Variants in SGK3 observed in about 807,000 individuals in gnomAD.
SGK3 encodes the protein serine/threonine-protein kinase Sgk3.
Under a neutral mutation model 68.5 loss-of-function variants are expected in SGK3, and 47 were observed. That is an observed-to-expected ratio of 0.69 (90% CI 0.54 to 0.87). The LOEUF (loss-of-function observed/expected upper bound fraction) is 0.87, where lower values mean the gene tolerates loss of function less well. Ranked by LOEUF, SGK3 falls within the 40% of genes least tolerant of loss-of-function variation. The pLI is 0.00. For synonymous variants in SGK3, 181 were observed against 189.1 expected, an observed-to-expected ratio of 0.96 and a Z score of 0.35; for missense variants, 479 against 575.5, an observed-to-expected ratio of 0.83 and a Z score of 1.72.
At chr8:66,851,033 ATAT>A in intron 16 of SGK3, 113 bp downstream of exon 16, 1 of 1,130,008 alleles carries the variant, frequency 8.8e-7, no homozygotes, top group South Asian at 1.6e-5. Context: ...CATTACCTAA[ATAT>A]TTGTGAAATA....
chr8:66,781,009 C>T (rs1269386014), intron 1 of SGK3, among the ~76,000 whole-genome samples: 1 of 152,134 alleles, frequency 6.6e-6, no homozygotes, highest in East Asian at 1.9e-4. Context: ...AATCTGAATT[C>T]TGCCAACCTC....
chr8:66,756,706 A>G (rs868495781), intron 1 of SGK3, among the ~76,000 whole-genome samples: 2 of 150,650 alleles, frequency 1.3e-5, no homozygotes, highest in South Asian at 2.1e-4. Flanking sequence ...CAGCCCCCCA[A>G]GTAGCTGGGA....
chr8:66,840,158 A>G, intron 11 of SGK3, 43 bp downstream of exon 11: 2 of 1,599,086 alleles, frequency 1.3e-6, no homozygotes, highest in Non-Finnish European at 1.7e-6. Flanking sequence ...ATATAACAAT[A>G]TTTTATTTCG....
In SGK3 at chr8:66,816,596, G is replaced by A. The variant is rs149906302; in HGVS notation, c.329+2668G>A. Among the ~76,000 whole-genome samples, 580 of 152,012 alleles carry A rather than the reference G, an allele frequency of 3.8e-3. 4 individuals carry two copies. The highest frequency in any genetic ancestry group is 0.013 in the African/African-American group (529 of 41,486). On this transcript the variant is annotated intron_variant, in intron 5 of 16. Coordinates refer to ENST00000521198, the MANE Select transcript of SGK3 (RefSeq NM_001033578.3). ...CCTGACTTCGTAATCTGCCTGCCTC[G>A]GCCTCCCAAAGTGCTGGGATTACAG...
chr8:66,786,473 A>G (rs909794838), intron 1 of SGK3, among the ~76,000 whole-genome samples: 7 of 152,202 alleles, frequency 4.6e-5, no homozygotes, highest in African/African-American at 1.7e-4. Context: ...ACTAAGTATT[A>G]TTAGGTTGCC....
intron 3 of SGK3, among the ~76,000 whole-genome samples, chr8:66,800,753 C>T (rs994302369): frequency 6.7e-6 from 1 of 149,850 alleles, no homozygotes; most frequent in Non-Finnish European, 1.5e-5. Context: ...GAAGATAATA[C>T]TACAATTTAA....
intron 5 of SGK3, among the ~76,000 whole-genome samples, chr8:66,819,964 C>T (rs1223635251): frequency 2.6e-5 from 4 of 151,788 alleles, no homozygotes; most frequent in Admixed American, 6.6e-5. Flanking sequence ...ACTACAGGTG[C>T]GTGCCACCAC....
chr8:66,810,103 A>G (rs1808321661), intron 4 of SGK3, among the ~76,000 whole-genome samples: 1 of 152,216 alleles, frequency 6.6e-6, no homozygotes, highest in Non-Finnish European at 1.5e-5. Flanking sequence ...ACTAAGTTCT[A>G]CCTGTTGATT....
At chr8:66,744,512 TATATATA>T (rs199582572) in intron 1 of SGK3, among the ~76,000 whole-genome samples, 330 of 31,524 alleles carry the variant, frequency 0.01, 8 homozygotes, top group Middle Eastern at 0.021. Flanking sequence ...TATATATATA[TATATATA>T]TTTTTTTTTT....
chr8:66,734,238 T>C (rs890740094), intron 1 of SGK3, among the ~76,000 whole-genome samples: 6 of 149,486 alleles, frequency 4.0e-5, no homozygotes, highest in African/African-American at 1.5e-4. Context: ...CTTTTTTTTT[T>C]TTTTTTTTTT....
chr8:66,767,336 C>T, intron 1 of SGK3: 2 of 984,106 alleles, frequency 2.0e-6, no homozygotes, highest in Non-Finnish European at 3.1e-6. Flanking sequence ...ATCTTTTTTT[C>T]TGTTAAACAA....
intron 12 of SGK3, 41 bp from the exon 13 acceptor site, chr8:66,840,983 A>T: frequency 2.1e-6 from 3 of 1,401,030 alleles, no homozygotes; most frequent in Non-Finnish European, 2.9e-6. Context: ...GTCAATTCAT[A>T]TTTATGCATT....
At chr8:66,828,763 C>A in intron 7 of SGK3, 60 bp downstream of exon 7, 3 of 1,579,472 alleles carry the variant, frequency 1.9e-6, no homozygotes, top group Non-Finnish European at 2.6e-6. Context: ...CTTTTTTGAG[C>A]GTATGCAGAT....
intron 16 of SGK3, among the ~76,000 whole-genome samples, chr8:66,856,851 G>A (rs568354841): frequency 3.0e-4 from 45 of 152,286 alleles, no homozygotes; most frequent in Admixed American, 2.9e-3. Context: ...CAAGCACTTT[G>A]AGAGGCCGAG....
At chr8:66,727,051 A>G (rs1454160112) in intron 1 of SGK3, among the ~76,000 whole-genome samples, 1 of 152,144 alleles carries the variant, frequency 6.6e-6, no homozygotes, top group Admixed American at 6.6e-5. Flanking sequence ...GTTGCATGTT[A>G]GCTAAGTTCC....
intron 8 of SGK3, 69 bp downstream of exon 8, chr8:66,831,380 T>C: frequency 1.3e-6 from 2 of 1,572,154 alleles, no homozygotes; most frequent in African/African-American, 2.7e-5. Flanking sequence ...AGGGTCTCAC[T>C]CTGTTGTCCA....
At chr8:66,738,890 A>T (rs1392477728) in intron 1 of SGK3, among the ~76,000 whole-genome samples, 1 of 152,018 alleles carries the variant, frequency 6.6e-6, no homozygotes, top group African/African-American at 2.4e-5. Flanking sequence ...TTGGCCTCCC[A>T]CAGTGCTGGG....
intron 1 of SGK3, among the ~76,000 whole-genome samples, chr8:66,723,132 T>TATATATATATATA (rs71247502): frequency 7.7e-5 from 2 of 25,880 alleles, no homozygotes. Flanking sequence ...TATATATATA[T>TATATATATATATA]TTTTTTTTTT....
chr8:66,849,064 A>G (rs1046835391), intron 15 of SGK3, among the ~76,000 whole-genome samples: 3 of 152,102 alleles, frequency 2.0e-5, no homozygotes, highest in Non-Finnish European at 4.4e-5. Flanking sequence ...CTCCTTTTCA[A>G]ACTTCAAGTG....
Sources: allele counts gnomAD v4.1 joint callset (sites outside exome capture counted in the v4.1 genomes callset), GRCh38; gene constraint gnomAD v4.1.1; transcripts MANE v1.5; gene names NCBI Gene and HGNC (gene_info 2026-07-23, HGNC 2026-07-21).